VRK2: variants seen among roughly 807,000 people sequenced by gnomAD.
VRK2 encodes serine/threonine-protein kinase VRK2.
Under a neutral mutation model 57.6 loss-of-function variants are expected in VRK2, and 60 were observed. The observed-to-expected ratio is 1.04, with a 90% CI of 0.85 to 1.29. VRK2 has a LOEUF of 1.29. Among genes scored for constraint, VRK2 ranks in the 50% most tolerant of loss-of-function variants. The pLI is 0.00. For missense variants in VRK2, 705 were observed against 588.1 expected (o/e 1.20, Z -2.06); for synonymous variants, 231 against 199.2 (o/e 1.16, Z -1.35).
At position 58,139,727 on chromosome 2, in the gene VRK2, T is replaced by C. The variant is rs1381569655; in HGVS notation, c.918T>C (p.Tyr306=). 6.2e-7 allele frequency: 1 copy of C among 1,613,226 alleles called. No individual in the cohort carries two copies. The highest frequency in any genetic ancestry group is 1.1e-5 in the South Asian group (1 of 91,050). The change falls in exon 11 of 13, where the codon TAT becomes TAC. Residue 306 remains tyrosine, a synonymous_variant. Transcript: ENST00000340157. ...TAGCATATGATGAAAAGCCAAACTA[T>C]CAAGCCCTCAAGAAAATTTTGAACC... is the stretch of plus-strand genomic sequence containing the variant. The part of the protein sequence containing the change: ...HSLAYDEKPN[Y]QALKKILNPH...
upstream of VRK2, chr2:58,046,722 G>C (rs1373341158): frequency 6.1e-6 from 6 of 985,552 alleles, no homozygotes; most frequent in Non-Finnish European, 7.2e-6. Context: ...GACGCAGCTG[G>C]AGAGAAGTTA....
At chr2:58,036,778 G>T (rs1674288304) in intron 3 of VRK2, among the ~76,000 whole-genome samples, 1 of 151,850 alleles carries the variant, frequency 6.6e-6, no homozygotes, top group African/African-American at 2.4e-5. Flanking sequence ...ATTTTCTATT[G>T]TCTATAGTAG....
At chr2:58,083,266 G>A (rs888832695) in intron 2 of VRK2, among the ~76,000 whole-genome samples, 28 of 151,752 alleles carry the variant, frequency 1.8e-4, no homozygotes, top group Non-Finnish European at 3.8e-4. Flanking sequence ...AATGGATGGA[G>A]AGTGAACAAA....
chr2:58,076,323 G>A (rs1181097860), intron 2 of VRK2, among the ~76,000 whole-genome samples: 1 of 151,830 alleles, frequency 6.6e-6, no homozygotes, highest in Non-Finnish European at 1.5e-5. Context: ...CCTTAAATGT[G>A]CTCAGAACAC....
intron 12 of VRK2, among the ~76,000 whole-genome samples, chr2:58,153,674 T>G (rs1411933916): frequency 6.6e-6 from 1 of 152,110 alleles, no homozygotes; most frequent in Non-Finnish European, 1.5e-5. Context: ...TGTTGTTATC[T>G]TTTTATTCTA....
intron 7 of VRK2, among the ~76,000 whole-genome samples, chr2:58,121,631 C>G (rs559652871): frequency 1.2e-4 from 19 of 152,272 alleles, no homozygotes; most frequent in African/African-American, 4.1e-4. Flanking sequence ...TAAAATATCT[C>G]TTACTGAGCC....
intron 2 of VRK2, among the ~76,000 whole-genome samples, chr2:58,067,936 T>C (rs936416684): frequency 2.7e-5 from 4 of 150,126 alleles, no homozygotes; most frequent in African/African-American, 9.8e-5. Context: ...TGTTTTTGTT[T>C]TGTTTTTTTT....
At chr2:57,939,994 T>G (rs577699045) in intron 1 of VRK2, among the ~76,000 whole-genome samples, 5 of 152,198 alleles carry the variant, frequency 3.3e-5, no homozygotes, top group Non-Finnish European at 5.9e-5. Flanking sequence ...TTTAAAATAC[T>G]AATTGTTCTC....
intron 7 of VRK2, among the ~76,000 whole-genome samples, chr2:58,105,728 C>A (rs1201721291): frequency 1.3e-5 from 2 of 151,782 alleles, no homozygotes; most frequent in South Asian, 4.2e-4. Flanking sequence ...TAACAGGTGC[C>A]CTTTTTTAGT....
intron 1 of VRK2, among the ~76,000 whole-genome samples, chr2:57,926,998 T>TTGTGTGTGTGTGTGTGTGTGTGTGTGTG (rs57943937): frequency 3.5e-5 from 5 of 142,754 alleles, no homozygotes; most frequent in African/African-American, 1.3e-4. Flanking sequence ...TTTTAATTTC[T>TTGTGTGTGTGTGTGTGTGTGTGTGTGTG]TGTGTGTGTG....
chr2:58,123,277 G>T, intron 8 of VRK2, 44 bp downstream of exon 8: 2 of 1,567,272 alleles, frequency 1.3e-6, no homozygotes, highest in South Asian at 2.4e-5. Context: ...TCAGAAGAAT[G>T]ATTAGAGACA....
chr2:58,078,054 A>T (rs1471935609), intron 2 of VRK2, among the ~76,000 whole-genome samples: 1 of 152,102 alleles, frequency 6.6e-6, no homozygotes, highest in Non-Finnish European at 1.5e-5. Flanking sequence ...ACAGTTCAGT[A>T]GTGTTAAGTA....
rs540389913 is a variant in VRK2, at chr2:58,048,151, TTTG to T, written c.-5-669_-5-667del. ...ATGGCTGTGCTGTGGAGATTATGCT[TTTG>T]TTGTTGGTGGCACAGTTGTAATCTC... On this transcript the variant is annotated intron_variant, in intron 1 of 12. Transcript: ENST00000340157. 2.4e-3 allele frequency among the ~76,000 whole-genome samples: 372 copies of T among 152,354 alleles called. 1 individual carries two copies. Among genetic ancestry groups the T allele is most frequent in the Non-Finnish European group, 3.9e-3 (262 of 68,032 alleles).
intron 1 of VRK2, among the ~76,000 whole-genome samples, chr2:57,965,470 A>G (rs1429425059): frequency 6.6e-6 from 1 of 152,194 alleles, no homozygotes; most frequent in Non-Finnish European, 1.5e-5. Context: ...CTGGAGAAGT[A>G]AGACAAGGCT....
chr2:57,983,808 C>T (rs1461563069), intron 1 of VRK2, among the ~76,000 whole-genome samples: 5 of 152,020 alleles, frequency 3.3e-5, no homozygotes, highest in Admixed American at 3.3e-4. Context: ...CTTAGTATGA[C>T]AATAATATTA....
chr2:57,977,751 G>T (rs541708111), intron 1 of VRK2, among the ~76,000 whole-genome samples: 2 of 150,950 alleles, frequency 1.3e-5, no homozygotes, highest in African/African-American at 2.5e-5. Flanking sequence ...CTTCCAGTAC[G>T]ATGTTGAATA....
chr2:58,061,711 TATA>T (rs1228786280), intron 2 of VRK2, among the ~76,000 whole-genome samples: 1 of 151,990 alleles, frequency 6.6e-6, no homozygotes, highest in East Asian at 1.9e-4. Context: ...AATGATAGAA[TATA>T]ATATAATGAG....
intron 8 of VRK2, among the ~76,000 whole-genome samples, chr2:58,130,026 CA>C (rs917683543): frequency 6.6e-6 from 1 of 152,098 alleles, no homozygotes; most frequent in African/African-American, 2.4e-5. Context: ...AGGGCTATTT[CA>C]AATGAAGACC....
intron 1 of VRK2, among the ~76,000 whole-genome samples, chr2:57,920,950 G>C (rs1438183432): frequency 6.6e-6 from 1 of 152,044 alleles, no homozygotes; most frequent in Non-Finnish European, 1.5e-5. Flanking sequence ...GATTCTAGAT[G>C]TTATTTCATT....
Sources: gnomAD v4.1 joint callset for allele counts (sites outside exome capture counted in the v4.1 genomes callset) on GRCh38, gnomAD v4.1.1 for gene constraint, MANE v1.5 for transcripts, NCBI Gene and HGNC (gene_info 2026-07-23, HGNC 2026-07-21) for gene names.